Variants in DCC observed in about 807,000 individuals in gnomAD.
DCC encodes the protein DCC netrin 1 receptor.
A neutral mutation model predicts 172.5 loss-of-function variants in DCC; 58 were observed. That is an observed-to-expected ratio of 0.34 (90% CI 0.27 to 0.42). The LOEUF (loss-of-function observed/expected upper bound fraction) is 0.42. DCC is among the 10% of genes least tolerant of loss of function. DCC has a pLI of 1.00. For synonymous variants in DCC, 709 were observed against 644.5 expected, an observed-to-expected ratio of 1.10 and a Z score of -1.52; for missense variants, 1,740 against 1,791.0, an observed-to-expected ratio of 0.97 and a Z score of 0.51.
intron 7 of DCC, among the ~76,000 whole-genome samples, chr18:53,121,759 C>T (rs1568317253): frequency 6.6e-6 from 1 of 151,836 alleles, no homozygotes; most frequent in African/African-American, 2.4e-5. Flanking sequence ...AATAATAAAT[C>T]TGTTTGGGGT....
chr18:52,468,563 C>T (rs1257563035), intron 1 of DCC, among the ~76,000 whole-genome samples: 2 of 151,996 alleles, frequency 1.3e-5, no homozygotes, highest in Non-Finnish European at 2.9e-5. Flanking sequence ...TCTTAATGGC[C>T]AATTTGAAGG....
At chr18:52,545,733 A>G (rs1054468745) in intron 1 of DCC, among the ~76,000 whole-genome samples, 4 of 152,142 alleles carry the variant, frequency 2.6e-5, no homozygotes, top group Non-Finnish European at 5.9e-5. Context: ...AAGATTATTC[A>G]TATCTTGAGA....
chr18:53,045,704 A>G (rs1402681603), intron 5 of DCC, among the ~76,000 whole-genome samples: 3 of 151,928 alleles, frequency 2.0e-5, no homozygotes, highest in African/African-American at 7.2e-5. Flanking sequence ...AGATTTCGCT[A>G]TTTTGTAAAA....
intron 1 of DCC, among the ~76,000 whole-genome samples, chr18:52,731,814 T>A (rs1172217207): frequency 6.6e-6 from 1 of 152,184 alleles, no homozygotes; most frequent in Non-Finnish European, 1.5e-5. Flanking sequence ...GATTTACTTA[T>A]TTCCTTAATG....
chr18:52,971,269 A>G (rs72926194), intron 5 of DCC, among the ~76,000 whole-genome samples: 5,412 of 152,064 alleles, frequency 0.036, 136 homozygotes, highest in African/African-American at 0.055. Flanking sequence ...AGAGCTTACC[A>G]CTTTGTAGCT....
intron 15 of DCC, among the ~76,000 whole-genome samples, chr18:53,351,367 C>G (rs1395468614): frequency 3.0e-5 from 1 of 32,992 alleles, no homozygotes; most frequent in Non-Finnish European, 6.8e-5. Flanking sequence ...TATATATATA[C>G]TGTATATATA....
At chr18:52,952,534 A>G (rs1000896374) in intron 5 of DCC, among the ~76,000 whole-genome samples, 33 of 152,314 alleles carry the variant, frequency 2.2e-4, no homozygotes, top group African/African-American at 7.5e-4. Context: ...TAGAAAGGCC[A>G]TACCAATTTA....
chr18:52,960,814 C>A (rs546091350), intron 5 of DCC, among the ~76,000 whole-genome samples: 2 of 152,164 alleles, frequency 1.3e-5, no homozygotes, highest in South Asian at 2.1e-4. Context: ...AAAATCAAGA[C>A]CTTATTGATG....
intron 12 of DCC, among the ~76,000 whole-genome samples, chr18:53,240,044 A>AAC (rs1555736774): frequency 8.3e-5 from 12 of 144,166 alleles, no homozygotes; most frequent in African/African-American, 2.8e-4. Flanking sequence ...AAAAAAAAAA[A>AAC]AAAAAACAAC....
At chr18:53,191,840 A>C (rs2055371001) in intron 9 of DCC, among the ~76,000 whole-genome samples, 2 of 152,062 alleles carry the variant, frequency 1.3e-5, no homozygotes, top group African/African-American at 4.8e-5. Flanking sequence ...TTGTGTCACC[A>C]ATAGAAATAA....
chr18:53,374,256 T>C (rs2058088000), intron 15 of DCC, among the ~76,000 whole-genome samples: 1 of 152,174 alleles, frequency 6.6e-6, no homozygotes, highest in African/African-American at 2.4e-5. Context: ...TGGACAGCAA[T>C]AATACAGAAA....
At chr18:52,938,305 CAT>C (rs2040410860) in intron 5 of DCC, among the ~76,000 whole-genome samples, 1 of 152,054 alleles carries the variant, frequency 6.6e-6, no homozygotes, top group South Asian at 2.1e-4. Context: ...TTTATCACAG[CAT>C]ATGTGATCAT....
At chr18:53,283,627 A>G (rs775799533) in intron 12 of DCC, among the ~76,000 whole-genome samples, 8 of 152,196 alleles carry the variant, frequency 5.3e-5, no homozygotes, top group Admixed American at 1.3e-4. Flanking sequence ...AGAACACAAC[A>G]AAGGTATCCA....
chr18:52,441,766 G>C (rs1275868645), intron 1 of DCC, among the ~76,000 whole-genome samples: 1 of 152,164 alleles, frequency 6.6e-6, no homozygotes, highest in Non-Finnish European at 1.5e-5. Context: ...AAAAGTTCAA[G>C]ATGGGTCAGG....
At position 53,214,474 on chromosome 18, in the gene DCC, T is replaced by C. The variant is rs575450874; in HGVS notation, c.1862-1074T>C. Among the ~76,000 whole-genome samples, 255 of 152,214 alleles carry C rather than the reference T, an allele frequency of 1.7e-3. 1 individual carries two copies. Among genetic ancestry groups the C allele is most frequent in the Non-Finnish European group, 2.6e-3 (174 of 67,978 alleles). On this transcript the variant is annotated intron_variant, in intron 11 of 28. Transcript: ENST00000442544. ...AGATAAATTCAGAGTATGGCATAAA[T>C]AAATTCATGGTCAGATGTAAGTACT...
intron 27 of DCC, among the ~76,000 whole-genome samples, chr18:53,524,254 G>A (rs1264482585): frequency 2.6e-5 from 4 of 151,346 alleles, no homozygotes; most frequent in Admixed American, 6.6e-5. Context: ...AATATATACT[G>A]TTTTTCCTTG....
chr18:53,391,647 A>G lies in DCC; in HGVS notation c.2456-8A>G, dbSNP rs1313887145. 1 of 1,597,720 alleles carries G rather than the reference A, an allele frequency of 6.3e-7. No homozygotes were observed. Among genetic ancestry groups the G allele is most frequent in the Non-Finnish European group, 8.6e-7 (1 of 1,165,210 alleles). On this transcript the variant is annotated splice_polypyrimidine_tract_variant and splice_region_variant and intron_variant, in intron 16 of 28. Coordinates refer to ENST00000442544, the MANE Select transcript of DCC (RefSeq NM_005215.4). ...TGTTTGTTTCATTTGGTGGGTTTTTAAACCCAGATCCCACTGACCCAGTTG... is the reference window on the plus strand; with the variant it reads ...TGTTTGTTTCATTTGGTGGGTTTTTGAACCCAGATCCCACTGACCCAGTTG...
chr18:53,043,008 A>T (rs1433405346), intron 5 of DCC, among the ~76,000 whole-genome samples: 1 of 151,996 alleles, frequency 6.6e-6, no homozygotes, highest in African/African-American at 2.4e-5. Flanking sequence ...CTATAAAGAC[A>T]TATGCACACG....
intron 12 of DCC, among the ~76,000 whole-genome samples, chr18:53,259,290 C>T (rs921130685): frequency 8.5e-5 from 13 of 152,074 alleles, no homozygotes; most frequent in African/African-American, 2.4e-4. Flanking sequence ...TAGTTGATGC[C>T]GTTTCTTCCT....
Sources: gnomAD v4.1 joint callset for allele counts (sites outside exome capture counted in the v4.1 genomes callset) on GRCh38, gnomAD v4.1.1 for gene constraint, MANE v1.5 for transcripts, NCBI Gene and HGNC (gene_info 2026-07-23, HGNC 2026-07-21) for gene names.